The following SGCZ variants were observed in gnomAD, a reference collection of about 807,000 sequenced individuals.
The protein encoded by SGCZ is zeta-sarcoglycan.
A neutral mutation model predicts 41.3 loss-of-function variants in SGCZ; 40 were observed. That is an observed-to-expected ratio of 0.97 (90% CI 0.75 to 1.26). The LOEUF is 1.26. Ranked by LOEUF, SGCZ falls within the 50% of genes most tolerant of loss-of-function variation. The pLI is 0.00. For synonymous variants in SGCZ, 206 were observed against 137.5 expected, an observed-to-expected ratio of 1.50 and a Z score of -3.49; for missense variants, 552 against 369.8, an observed-to-expected ratio of 1.49 and a Z score of -4.04.
At chr8:14,414,966 T>C (rs1414386122) in intron 2 of SGCZ, among the ~76,000 whole-genome samples, 1 of 152,088 alleles carries the variant, frequency 6.6e-6, no homozygotes, top group East Asian at 1.9e-4. Context: ...ATCACTTTTA[T>C]TCATTTCTTA....
intron 1 of SGCZ, among the ~76,000 whole-genome samples, chr8:14,729,157 C>A (rs530338871): frequency 6.6e-6 from 1 of 152,092 alleles, no homozygotes; most frequent in African/African-American, 2.4e-5. Context: ...CTTGAATACC[C>A]ACACCACTAA....
intron 2 of SGCZ, among the ~76,000 whole-genome samples, chr8:14,538,167 A>T (rs374031934): frequency 6.6e-5 from 10 of 152,118 alleles, no homozygotes; most frequent in African/African-American, 1.9e-4. Flanking sequence ...TTATTGAAAC[A>T]TGTCAGCTTG....
At chr8:15,031,848 G>A (rs570976461) in intron 1 of SGCZ, among the ~76,000 whole-genome samples, 77 of 150,464 alleles carry the variant, frequency 5.1e-4, no homozygotes, top group Non-Finnish European at 8.1e-4. Context: ...GTCGGCCAGC[G>A]CTATTTTCAA....
At chr8:14,408,098 A>C (rs1799260926) in intron 2 of SGCZ, among the ~76,000 whole-genome samples, 1 of 152,120 alleles carries the variant, frequency 6.6e-6, no homozygotes, top group African/African-American at 2.4e-5. Flanking sequence ...TTCTCTAACT[A>C]CCTCTTTTAC....
intron 1 of SGCZ, among the ~76,000 whole-genome samples, chr8:14,730,982 C>G (rs1044744280): frequency 5.9e-5 from 9 of 151,624 alleles, no homozygotes; most frequent in African/African-American, 2.2e-4. Flanking sequence ...TGTGGCTATT[C>G]CTCAAGAATC....
chr8:14,366,131 A>G (rs890705401), intron 2 of SGCZ, among the ~76,000 whole-genome samples: 13 of 152,174 alleles, frequency 8.5e-5, no homozygotes, highest in African/African-American at 2.4e-4. Context: ...TGATGAATAA[A>G]TGAGTCTTTG....
At chr8:14,094,730 G>A (rs1801790564) in intron 7 of SGCZ, among the ~76,000 whole-genome samples, 1 of 152,102 alleles carries the variant, frequency 6.6e-6, no homozygotes, top group Non-Finnish European at 1.5e-5. Context: ...CACAATGGTT[G>A]AACTAATTTA....
intron 2 of SGCZ, among the ~76,000 whole-genome samples, chr8:14,478,426 A>G (rs1229321860): frequency 1.3e-5 from 2 of 152,244 alleles, no homozygotes; most frequent in African/African-American, 4.8e-5. Context: ...TATGAAGCCA[A>G]TCAGAAAATG....
At chr8:15,235,993 G>A (rs1563199995) in intron 1 of SGCZ, among the ~76,000 whole-genome samples, 1 of 152,220 alleles carries the variant, frequency 6.6e-6, no homozygotes, top group Non-Finnish European at 1.5e-5. Flanking sequence ...GAGTAGAGCA[G>A]AGAGATAAGA....
At chr8:14,466,374 C>G (rs1179817713) in intron 2 of SGCZ, among the ~76,000 whole-genome samples, 1 of 151,972 alleles carries the variant, frequency 6.6e-6, no homozygotes, top group East Asian at 1.9e-4. Flanking sequence ...TGAAGAGTCA[C>G]TTGTCTTTTG....
chr8:14,801,762 C>T (rs188674025), intron 1 of SGCZ, among the ~76,000 whole-genome samples: 1 of 152,236 alleles, frequency 6.6e-6, no homozygotes, highest in East Asian at 1.9e-4. Flanking sequence ...AAATGATTCA[C>T]TGACAAAAAA....
intron 2 of SGCZ, among the ~76,000 whole-genome samples, chr8:14,425,404 T>C (rs570381495): frequency 6.6e-5 from 10 of 152,214 alleles, no homozygotes; most frequent in South Asian, 2.1e-4. Flanking sequence ...GTGGATCACC[T>C]GAGGTCAGGA....
intron 1 of SGCZ, among the ~76,000 whole-genome samples, chr8:14,941,458 G>T (rs963600719): frequency 1.3e-5 from 2 of 151,952 alleles, no homozygotes; most frequent in African/African-American, 4.8e-5. Flanking sequence ...TAATTAACAG[G>T]AAAATAAATA....
chr8:14,237,811 G>T (rs925571791), intron 3 of SGCZ, 132 bp from the exon 4 acceptor site: 2 of 678,340 alleles, frequency 2.9e-6, no homozygotes, highest in East Asian at 3.0e-5. Context: ...TTAATTTAAC[G>T]TCCCAATCAT....
chr8:14,549,998 G>A (rs1285055449), intron 2 of SGCZ, among the ~76,000 whole-genome samples: 1 of 151,936 alleles, frequency 6.6e-6, no homozygotes, highest in African/African-American at 2.4e-5. Flanking sequence ...AAAAAAAGGT[G>A]GCATTAAAGG....
At chr8:14,201,196 T>C (rs1315060613) in intron 4 of SGCZ, among the ~76,000 whole-genome samples, 2 of 152,120 alleles carry the variant, frequency 1.3e-5, no homozygotes, top group Admixed American at 6.5e-5. Flanking sequence ...ATATTAGCAC[T>C]CTGAATAACA....
intron 1 of SGCZ, among the ~76,000 whole-genome samples, chr8:14,992,216 A>G (rs1433537388): frequency 6.6e-6 from 1 of 151,474 alleles, no homozygotes; most frequent in Non-Finnish European, 1.5e-5. Context: ...CTCTCATCCA[A>G]TCTACTCCCA....
At chr8:14,405,559 G>A (rs1585464376) in intron 2 of SGCZ, among the ~76,000 whole-genome samples, 1 of 152,000 alleles carries the variant, frequency 6.6e-6, no homozygotes. Flanking sequence ...CTTATGCCAA[G>A]AATTATGCTT....
chr8:14,734,834 G>A (rs747627166), intron 1 of SGCZ, among the ~76,000 whole-genome samples: 3 of 91,168 alleles, frequency 3.3e-5, no homozygotes, highest in East Asian at 5.5e-4. Context: ...TATGTAGTGG[G>A]TATTTACCTT....
Sources: allele counts gnomAD v4.1 joint callset (sites outside exome capture counted in the v4.1 genomes callset), GRCh38; gene constraint gnomAD v4.1.1; transcripts MANE v1.5; gene names NCBI Gene and HGNC (gene_info 2026-07-23, HGNC 2026-07-21).